MANBA: variants seen among roughly 807,000 people sequenced by gnomAD.
The protein encoded by MANBA is beta-mannosidase.
Under a neutral mutation model 111.1 loss-of-function variants are expected in MANBA, and 83 were observed. The observed-to-expected ratio is 0.75, with a 90% CI of 0.63 to 0.90. The LOEUF (loss-of-function observed/expected upper bound fraction) is 0.90. Among genes scored for constraint, MANBA ranks in the 40% least tolerant of loss-of-function variants. The probability of loss-of-function intolerance (pLI) is 0.00; values close to 1 mark genes in which losing one functional copy is unlikely to be tolerated. For missense variants in MANBA, 1,036 were observed against 1,069.0 expected, an observed-to-expected ratio of 0.97 and a Z score of 0.43; for synonymous variants, 370 against 378.7, an observed-to-expected ratio of 0.98 and a Z score of 0.27.
At chr4:102,714,009 C>A (rs1254090302) in intron 5 of MANBA, among the ~76,000 whole-genome samples, 1 of 151,920 alleles carries the variant, frequency 6.6e-6, no homozygotes, top group Admixed American at 6.6e-5. Flanking sequence ...TGTGTCAGGG[C>A]CCTCAGAGTA....
intron 1 of MANBA, chr4:102,728,942 A>G (rs1722917959): frequency 1.3e-6 from 1 of 766,802 alleles, no homozygotes; most frequent in Non-Finnish European, 2.3e-6. Context: ...CTTTGTATGG[A>G]TACTCATGTT....
chr4:102,698,899 C>G (rs1389867297), intron 5 of MANBA, among the ~76,000 whole-genome samples: 1 of 152,104 alleles, frequency 6.6e-6, no homozygotes, highest in African/African-American at 2.4e-5. Context: ...TGAGGAAAGT[C>G]ATTGGTAGCT....
chr4:102,713,014 T>C (rs1265133711), intron 5 of MANBA, among the ~76,000 whole-genome samples: 2 of 152,210 alleles, frequency 1.3e-5, no homozygotes, highest in Non-Finnish European at 2.9e-5. Context: ...CACATTTACA[T>C]GTGCAATTTA....
At chr4:102,652,506 A>T (rs1730379346) in intron 12 of MANBA, among the ~76,000 whole-genome samples, 1 of 152,212 alleles carries the variant, frequency 6.6e-6, no homozygotes, top group African/African-American at 2.4e-5. Flanking sequence ...TAATAATATT[A>T]CCAGAAAGAA....
At chr4:102,671,444 A>G in intron 8 of MANBA, 46 bp from the exon 9 acceptor site, 2 of 1,063,450 alleles carry the variant, frequency 1.9e-6, no homozygotes, top group South Asian at 2.6e-5. Flanking sequence ...GAAAAAAAAA[A>G]CAGATTGTGA....
At chr4:102,644,625 T>G (rs1218396682) in intron 13 of MANBA, among the ~76,000 whole-genome samples, 3 of 152,040 alleles carry the variant, frequency 2.0e-5, no homozygotes, top group African/African-American at 7.2e-5. Context: ...AAAGAGGAAG[T>G]ACCAAGGAGA....
rs1722634536 is a variant in MANBA, at chr4:102,722,789, T to C, written c.549+82A>G. 4 of 1,384,660 alleles carry C rather than the reference T, an allele frequency of 2.9e-6. No homozygotes were observed. In the Admixed American group the frequency reaches 5.0e-5, roughly 17 times the overall value. The allele number at this position is 1,384,660 out of a possible 1,614,324, so 85.8% of individuals were successfully genotyped here. ...GAGATTCCTAACTTCTGAAATGCCA[T>C]GGGAGTCTTCAAATAAGCATTTCAT... On this transcript the variant is annotated intron_variant, in intron 4 of 16. Transcript: ENST00000647097.
intron 5 of MANBA, among the ~76,000 whole-genome samples, chr4:102,698,356 T>C (rs1194757668): frequency 4.0e-5 from 6 of 151,052 alleles, no homozygotes; most frequent in Non-Finnish European, 3.0e-5. Context: ...AGCTCTTTAG[T>C]TTAATTAGAT....
At chr4:102,695,924 G>C (rs1037417737) in intron 5 of MANBA, among the ~76,000 whole-genome samples, 1 of 152,118 alleles carries the variant, frequency 6.6e-6, no homozygotes, top group African/African-American at 2.4e-5. Flanking sequence ...GAGGGTCTCT[G>C]TAAAAAAAGA....
intron 5 of MANBA, among the ~76,000 whole-genome samples, chr4:102,705,856 C>T (rs955709884): frequency 6.6e-6 from 1 of 152,170 alleles, no homozygotes; most frequent in African/African-American, 2.4e-5. Context: ...TACCTCAGCA[C>T]TCCTCCCAGG....
In MANBA at chr4:102,650,539, G is replaced by A; in HGVS notation, c.1867C>T (p.Gln623Ter). The A allele has an allele frequency of 6.2e-7, 1 of 1,611,162 alleles. No homozygotes were observed. Among genetic ancestry groups the A allele is most frequent in the Non-Finnish European group, 8.5e-7 (1 of 1,177,426 alleles). Residue 623 changes from glutamine (Q) to a stop codon, truncating the protein, a stop_gained and splice_region_variant, in exon 13 of 17, where the codon CAG (glutamine) becomes TAG (stop). Transcript: ENST00000647097. LOFTEE classifies it high-confidence loss of function. The stretch of plus-strand genomic sequence containing the variant: ...ATTCTAGAATGAAAACAACTTACCT[G>A]AGTAAGGTAGATGGTATCTTTAAAT... The part of the protein sequence containing the change: ...RTFKDTIYLT[Q>*]VMQAQCVKTE...
chr4:102,642,367 G>C (rs1217142158), intron 13 of MANBA, among the ~76,000 whole-genome samples: 3 of 152,172 alleles, frequency 2.0e-5, no homozygotes, highest in Non-Finnish European at 4.4e-5. Context: ...CAGCACTTTG[G>C]GAGGCTGGGG....
intron 1 of MANBA, among the ~76,000 whole-genome samples, chr4:102,755,198 T>A (rs1048002613): frequency 1.3e-5 from 2 of 152,210 alleles, no homozygotes; most frequent in African/African-American, 2.4e-5. Flanking sequence ...GCTGGAGGCA[T>A]CACGTTACCT....
intron 1 of MANBA, among the ~76,000 whole-genome samples, chr4:102,758,330 TTAAC>T (rs1379529929): frequency 1.3e-5 from 2 of 152,206 alleles, no homozygotes; most frequent in Non-Finnish European, 2.9e-5. Flanking sequence ...TATGAGATAA[TTAAC>T]TAGGTGAATA....
intron 13 of MANBA, among the ~76,000 whole-genome samples, chr4:102,645,086 G>T (rs912237768): frequency 1.3e-5 from 2 of 151,702 alleles, no homozygotes; most frequent in African/African-American, 4.8e-5. Context: ...TATAAGATTT[G>T]TCAAATGCTT....
At chr4:102,639,946 G>A (rs944604536) in intron 13 of MANBA, 89 bp from the exon 14 acceptor site, 172 of 1,475,408 alleles carry the variant, frequency 1.2e-4, no homozygotes, top group South Asian at 9.0e-4. Context: ...GTTTTGTTTT[G>A]GGTTTTTTCT....
intron 11 of MANBA, among the ~76,000 whole-genome samples, chr4:102,658,524 T>G (rs1345644018): frequency 6.6e-6 from 1 of 152,204 alleles, no homozygotes; most frequent in Non-Finnish European, 1.5e-5. Flanking sequence ...CTTGGTAGAT[T>G]TATCTGTAAG....
chr4:102,737,116 G>A (rs1034991197), intron 1 of MANBA, among the ~76,000 whole-genome samples: 1 of 152,176 alleles, frequency 6.6e-6, no homozygotes, highest in African/African-American at 2.4e-5. Context: ...GGTCTTTGGG[G>A]AAGGGAAGGC....
chr4:102,686,817 T>C (rs758553333), intron 7 of MANBA, among the ~76,000 whole-genome samples: 9 of 152,174 alleles, frequency 5.9e-5, no homozygotes, highest in Non-Finnish European at 1.3e-4. Context: ...TGGGGTTCTG[T>C]CCTAGCTCTT....
Sources: allele counts gnomAD v4.1 joint callset (sites outside exome capture counted in the v4.1 genomes callset), GRCh38; gene constraint gnomAD v4.1.1; transcripts MANE v1.5; gene names NCBI Gene and HGNC (gene_info 2026-07-23, HGNC 2026-07-21).